The following VWC2 variants were observed in gnomAD, a reference collection of about 807,000 sequenced individuals.
VWC2 encodes von Willebrand factor C domain containing 2.
A neutral mutation model predicts 29.8 loss-of-function variants in VWC2; 14 were observed. The observed-to-expected ratio is 0.47, with a 90% confidence interval of 0.31 to 0.74. The LOEUF (loss-of-function observed/expected upper bound fraction) is 0.74, where lower values mean the gene tolerates loss of function less well. VWC2 is among the 30% of genes least tolerant of loss of function. The pLI, the probability that VWC2 is intolerant of heterozygous loss-of-function variation, is 0.05. For synonymous variants in VWC2, 213 were observed against 199.0 expected, an observed-to-expected ratio of 1.07 and a Z score of -0.59; for missense variants, 457 against 459.8, an observed-to-expected ratio of 0.99 and a Z score of 0.05.
intron 3 of VWC2, among the ~76,000 whole-genome samples, chr7:49,869,666 C>T (rs554518191): frequency 6.6e-6 from 1 of 152,166 alleles, no homozygotes; most frequent in Non-Finnish European, 1.5e-5. Flanking sequence ...AAGAAACCTG[C>T]CAATAGCAAG....
intron 3 of VWC2, among the ~76,000 whole-genome samples, chr7:49,808,919 C>T (rs532036893): frequency 1.3e-5 from 2 of 152,060 alleles, no homozygotes; most frequent in South Asian, 2.1e-4. Flanking sequence ...AAAGACCTAT[C>T]TCTGAAAAGT....
chr7:49,873,868 T>G (rs548516701), intron 3 of VWC2, among the ~76,000 whole-genome samples: 21 of 151,476 alleles, frequency 1.4e-4, no homozygotes, highest in African/African-American at 5.1e-4. Context: ...CATTTATATT[T>G]ATGCCAACAT....
At chr7:49,903,504 A>G (rs1385442820) in intron 3 of VWC2, among the ~76,000 whole-genome samples, 2 of 152,182 alleles carry the variant, frequency 1.3e-5, no homozygotes, top group African/African-American at 4.8e-5. Context: ...TTTTGATACT[A>G]TATGATTCCA....
chr7:49,820,558 G>A (rs1789241502), intron 3 of VWC2, among the ~76,000 whole-genome samples: 1 of 152,176 alleles, frequency 6.6e-6, no homozygotes, highest in African/African-American at 2.4e-5. Flanking sequence ...CTGCAAGTGA[G>A]TCTTTGAACT....
intron 3 of VWC2, among the ~76,000 whole-genome samples, chr7:49,869,852 T>C (rs1791066016): frequency 6.6e-6 from 1 of 152,108 alleles, no homozygotes; most frequent in African/African-American, 2.4e-5. Context: ...GGAAGCTTAC[T>C]AGGTACCCAT....
chr7:49,877,578 T>C (rs1275937399), intron 3 of VWC2, among the ~76,000 whole-genome samples: 1 of 140,558 alleles, frequency 7.1e-6, no homozygotes, highest in African/African-American at 2.6e-5. Context: ...TATGATTGTT[T>C]CCATGACTGA....
At chr7:49,877,470 A>AAAAAAAAAT (rs1562747540) in intron 3 of VWC2, among the ~76,000 whole-genome samples, 2 of 39,858 alleles carry the variant, frequency 5.0e-5, no homozygotes, top group Non-Finnish European at 8.7e-5. Flanking sequence ...CTCAAAAAAA[A>AAAAAAAAAT]AAAAAAAAAA....
At position 49,914,709 on chromosome 7, in the gene VWC2, T is replaced by C. The variant is rs146384882; in HGVS notation, c.*2524T>C. On this transcript the variant is annotated 3_prime_UTR_variant, in exon 4 of 4. Coordinates refer to ENST00000340652, the MANE Select transcript of VWC2 (RefSeq NM_198570.5). ...TGACATTCTATTTTCCTCCCCTCTG[T>C]TGTCAGAGAACTCTTTGCTGAGATT... 481 of 152,334 alleles carry C rather than the reference T, an allele frequency of 3.2e-3. 6 individuals carry two copies. The highest frequency in any genetic ancestry group is 0.011 in the African/African-American group (448 of 41,582). The allele number at this position is 152,334 out of a possible 1,614,324, so 9.4% of individuals were successfully genotyped here.
chr7:49,877,079 A>G (rs1290591234), intron 3 of VWC2, among the ~76,000 whole-genome samples: 1 of 152,122 alleles, frequency 6.6e-6, no homozygotes, highest in Non-Finnish European at 1.5e-5. Context: ...GACTGCAAGG[A>G]AAGATGCTGT....
intron 2 of VWC2, among the ~76,000 whole-genome samples, chr7:49,797,536 A>T (rs1171853051): frequency 6.6e-6 from 1 of 152,212 alleles, no homozygotes; most frequent in East Asian, 1.9e-4. Flanking sequence ...AGCAATGTGG[A>T]TGAGTGAGAA....
chr7:49,826,216 G>A (rs900383887), intron 3 of VWC2, among the ~76,000 whole-genome samples: 6 of 152,024 alleles, frequency 3.9e-5, no homozygotes, highest in African/African-American at 1.4e-4. Context: ...CTATCTGGGG[G>A]ACAGTTTTTC....
At chr7:49,818,166 A>G (rs1196463430) in intron 3 of VWC2, among the ~76,000 whole-genome samples, 1 of 152,190 alleles carries the variant, frequency 6.6e-6, no homozygotes, top group Non-Finnish European at 1.5e-5. Flanking sequence ...TTGGGAAGTG[A>G]TACAAAGAAA....
intron 2 of VWC2, among the ~76,000 whole-genome samples, chr7:49,787,945 C>T (rs902666301): frequency 5.3e-5 from 8 of 152,162 alleles, no homozygotes; most frequent in African/African-American, 9.7e-5. Flanking sequence ...GGGACCATTG[C>T]GCCGTATGTC....
intron 3 of VWC2, among the ~76,000 whole-genome samples, chr7:49,833,451 C>G (rs1028977616): frequency 2.6e-5 from 4 of 152,166 alleles, no homozygotes; most frequent in African/African-American, 9.7e-5. Flanking sequence ...ATTCACAAAG[C>G]AGCCAAACAA....
At chr7:49,851,131 C>A (rs1456124628) in intron 3 of VWC2, among the ~76,000 whole-genome samples, 1 of 152,184 alleles carries the variant, frequency 6.6e-6, no homozygotes, top group Non-Finnish European at 1.5e-5. Context: ...TGCCCGCCAC[C>A]CTGGGCTTCC....
At chr7:49,869,206 G>A (rs1311581415) in intron 3 of VWC2, among the ~76,000 whole-genome samples, 3 of 152,122 alleles carry the variant, frequency 2.0e-5, no homozygotes, top group African/African-American at 7.2e-5. Flanking sequence ...CAGCTTGGGA[G>A]AAGAGGCAGA....
rs1000043554 is a variant in VWC2, at chr7:49,776,149, G to A, written c.696+18G>A. 6.7e-7 allele frequency: 1 copy of A among 1,491,978 alleles called. No homozygotes were observed. The highest frequency in any genetic ancestry group is 1.3e-5 in the South Asian group (1 of 76,914). The allele number at this position is 1,491,978 out of a possible 1,614,324, so 92.4% of individuals were successfully genotyped here. ...AGTTCGTGGTAAGATGCGAACGCCC[G>A]CCGGGCGACTTTGCACCTTCCAGGA... On this transcript the variant is annotated intron_variant, in intron 2 of 3. Transcript: ENST00000340652.
At position 49,788,445 on chromosome 7, in the gene VWC2, C is replaced by CTGTGTG. The variant is rs35708736; in HGVS notation, c.696+12333_696+12338dup. 8.8e-4 allele frequency among the ~76,000 whole-genome samples: 131 copies of CTGTGTG among 148,172 alleles called. 1 individual carries two copies. The highest frequency in any genetic ancestry group is 3.1e-3 in the African/African-American group (128 of 40,724). Reference sequence around the variant, plus strand: ...CACTGTAGTTCTGTTTTCCCCTGGCCTGTGTGTGTGTGTGTGTGTGTGTGA... The same window carrying CTGTGTG: ...CACTGTAGTTCTGTTTTCCCCTGGCCTGTGTGTGTGTGTGTGTGTGTGTGTGTGTGA... On this transcript the variant is annotated intron_variant, in intron 2 of 3. Coordinates refer to ENST00000340652, the MANE Select transcript of VWC2 (RefSeq NM_198570.5).
At chr7:49,854,826 G>A (rs1790348856) in intron 3 of VWC2, among the ~76,000 whole-genome samples, 1 of 152,150 alleles carries the variant, frequency 6.6e-6, no homozygotes, top group Admixed American at 6.5e-5. Context: ...AGATAAATTG[G>A]TGCACTTGTC....
Sources: gnomAD v4.1 joint callset for allele counts (sites outside exome capture counted in the v4.1 genomes callset) on GRCh38, gnomAD v4.1.1 for gene constraint, MANE v1.5 for transcripts, NCBI Gene and HGNC (gene_info 2026-07-23, HGNC 2026-07-21) for gene names.